PIEZO2: variants seen among roughly 807,000 people sequenced by gnomAD.
PIEZO2 encodes piezo-type mechanosensitive ion channel component 2.
Under a neutral mutation model 337.3 loss-of-function variants are expected in PIEZO2, and 172 were observed. The ratio of observed to expected loss-of-function variants is 0.51; its 90% CI spans 0.45 to 0.58. PIEZO2 has a LOEUF of 0.58. Among genes scored for constraint, PIEZO2 ranks in the 20% least tolerant of loss-of-function variants. PIEZO2 has a pLI of 0.00. For synonymous variants in PIEZO2, 1,251 were observed against 1,228.5 expected (o/e 1.02, Z -0.38); for missense variants, 3,028 against 3,391.3 (o/e 0.89, Z 2.66).
Position 10,974,685 on chromosome 18 carries a change from C to G in PIEZO2, c.286+4850G>C, listed in dbSNP as rs115190308. On this transcript the variant is annotated intron_variant, in intron 3 of 55. Transcript: ENST00000674853. ...AGACATGCAATGGTTTCATGCAACT[C>G]ATTTGCCCTCTAGAGCCCGTTTCTT... Among the ~76,000 whole-genome samples, 200 of 152,340 alleles carry G rather than the reference C, an allele frequency of 1.3e-3. 1 individual carries two copies. Among genetic ancestry groups the G allele is most frequent in the African/African-American group, 4.7e-3 (194 of 41,582 alleles).
At position 11,097,468 on chromosome 18, in the gene PIEZO2, A is replaced by G. The variant is rs183166229; in HGVS notation, c.65-31246T>C. 3.9e-5 allele frequency among the ~76,000 whole-genome samples: 6 copies of G among 152,348 alleles called. No individual in the cohort carries two copies. In the East Asian group the frequency reaches 1.2e-3, roughly 29 times the overall value. ...TCACAGATGTAGAAGGATTGAGTCC[A>G]GAGTTTACTACAGAGAAAGCCCTGA... On this transcript the variant is annotated intron_variant, in intron 1 of 55. Coordinates refer to ENST00000674853, the MANE Select transcript of PIEZO2 (RefSeq NM_001378183.1). This position sits in a 1 kb window ranked among gnomAD's most constrained non-coding sequence, Gnocchi z 5.0.
chr18:10,677,814 T>C lies in PIEZO2; in HGVS notation c.8014A>G (p.Asn2672Asp). 1 of 1,610,824 alleles carries C rather than the reference T, an allele frequency of 6.2e-7. No homozygotes were observed. The highest frequency in any genetic ancestry group is 1.3e-5 in the African/African-American group (1 of 74,884). Residue 2672 changes from asparagine to aspartate, a missense_variant, in exon 53 of 56, where the codon AAT becomes GAT. Coordinates refer to ENST00000674853, the MANE Select transcript of PIEZO2 (RefSeq NM_001378183.1). This position sits in a 1 kb window ranked among gnomAD's most constrained non-coding sequence, Gnocchi z 4.1. ...ATDKLSFPLKNITRKNIAKMI... is the reference protein window; with the variant it reads ...ATDKLSFPLKDITRKNIAKMI... ...TTAGCGATATTCTTTCGAGTAATAT[T>C]TTTAAGAGGAAAAGAAAGCTTATCT...
chr18:10,890,324 G>A (rs1282652913), intron 4 of PIEZO2, among the ~76,000 whole-genome samples: 1 of 152,198 alleles, frequency 6.6e-6, no homozygotes, highest in Admixed American at 6.5e-5. Context: ...ATGTGGCTGA[G>A]TCTGCAAGTG....
intron 47 of PIEZO2, among the ~76,000 whole-genome samples, chr18:10,692,795 A>G (rs1598362324): frequency 1.3e-5 from 2 of 152,308 alleles, no homozygotes; most frequent in East Asian, 3.9e-4. Context: ...GAGGGCAGGA[A>G]GAATAAGTGC....
chr18:10,714,423 C>T (rs974604012), intron 39 of PIEZO2, among the ~76,000 whole-genome samples: 4 of 152,156 alleles, frequency 2.6e-5, no homozygotes, highest in African/African-American at 4.8e-5. Context: ...CACTGTGGAT[C>T]GGCTATCTTG....
At position 10,767,831 on chromosome 18, in the gene PIEZO2, C is replaced by G. The variant is rs186069610; in HGVS notation, c.2946+2317G>C. On this transcript the variant is annotated intron_variant, in intron 21 of 55. Coordinates refer to ENST00000674853, the MANE Select transcript of PIEZO2 (RefSeq NM_001378183.1). The surrounding 1 kb of genome is among the most constrained non-coding windows in gnomAD (Gnocchi z 4.2). ...AGGAGAAGGTGCTGGCAACCAGGGG[C>G]TGGGTGTCAGTGCCGGCCAAGAGTG... Among the ~76,000 whole-genome samples, 330 of 152,310 alleles carry G rather than the reference C, an allele frequency of 2.2e-3. 1 individual carries two copies. The highest frequency in any genetic ancestry group is 7.5e-3 in the African/African-American group (310 of 41,578).
intron 36 of PIEZO2, among the ~76,000 whole-genome samples, chr18:10,718,978 AAAAT>A (rs372748367): frequency 0.064 from 9,109 of 142,956 alleles, 386 homozygotes; most frequent in Admixed American, 0.11. Context: ...GACCTTGTCT[AAAAT>A]AAATAAATAA....
At chr18:10,744,384 C>G (rs1409466439) in intron 30 of PIEZO2, among the ~76,000 whole-genome samples, 153 bp from the exon 31 acceptor site, 1 of 152,272 alleles carries the variant, frequency 6.6e-6, no homozygotes, top group Non-Finnish European at 1.5e-5. Flanking sequence ...AACAAGGCCC[C>G]TTCTAGAAGC....
chr18:11,148,746 G>A lies in PIEZO2; in HGVS notation c.-158C>T, dbSNP rs2040874933. 1.4e-6 allele frequency: 1 copy of A among 717,542 alleles called. No individual in the cohort carries two copies. Among genetic ancestry groups the A allele is most frequent in the South Asian group, 1.9e-5 (1 of 52,822 alleles). 44.4% of individuals were successfully genotyped at this position (717,542 alleles called of 1,614,324 possible). ...CGGGCCGCGACGCTCTCCGCCCCGA[G>A]GGCACGCTCCCGGGGCTCTTGGCCG... is the stretch of plus-strand genomic sequence containing the variant. On this transcript the variant is annotated 5_prime_UTR_variant, in exon 1 of 56. Coordinates refer to ENST00000674853, the MANE Select transcript of PIEZO2 (RefSeq NM_001378183.1). The surrounding 1 kb of genome is among the most constrained non-coding windows in gnomAD (Gnocchi z 5.2).
At chr18:10,924,963 A>T (rs2031641755) in intron 3 of PIEZO2, among the ~76,000 whole-genome samples, 1 of 152,240 alleles carries the variant, frequency 6.6e-6, no homozygotes, top group African/African-American at 2.4e-5. Flanking sequence ...ATAAAAACTT[A>T]TGAAGCACAT....
At chr18:10,944,203 T>A (rs895584893) in intron 3 of PIEZO2, among the ~76,000 whole-genome samples, 35 of 151,820 alleles carry the variant, frequency 2.3e-4, no homozygotes, top group African/African-American at 8.5e-4. Flanking sequence ...CAATCATCAG[T>A]TTGGGCACAA....
In PIEZO2 at chr18:10,999,354, G is replaced by A. The variant is rs376459201; in HGVS notation, c.161-19694C>T. Among the ~76,000 whole-genome samples, 10 of 152,132 alleles carry A rather than the reference G, an allele frequency of 6.6e-5. No individual in the cohort carries two copies. The South Asian group carries it at 8.3e-4, about 13-fold the overall frequency. On this transcript the variant is annotated intron_variant, in intron 2 of 55. Coordinates refer to ENST00000674853, the MANE Select transcript of PIEZO2 (RefSeq NM_001378183.1). The stretch of plus-strand genomic sequence containing the variant: ...GAAAAACCTAGTAAAAGCACAGTTG[G>A]TCCTCCATATCTGTGGACTCCATAT...
rs642825 is a variant in PIEZO2 at position 10,718,501 on chromosome 18, C to G, written c.5030-242G>C. On this transcript the variant is annotated intron_variant, in intron 36 of 55. Coordinates refer to ENST00000674853, the MANE Select transcript of PIEZO2 (RefSeq NM_001378183.1). Reference sequence around the variant, plus strand: ...TCGCTGGTGGGTACCGGCCAGTACTCGTGGGCTGACTGTTGCCAAATGGCC... The same window carrying G: ...TCGCTGGTGGGTACCGGCCAGTACTGGTGGGCTGACTGTTGCCAAATGGCC... Among the ~76,000 whole-genome samples the G allele has an allele frequency of 0.34, 50,958 of 152,000 alleles. 8,828 individuals carry two copies. Among genetic ancestry groups the G allele is most frequent in the Admixed American group, 0.46 (6,973 of 15,292 alleles).
chr18:10,871,812 G>C (rs2042147242), intron 4 of PIEZO2, among the ~76,000 whole-genome samples: 1 of 152,148 alleles, frequency 6.6e-6, no homozygotes, highest in African/African-American at 2.4e-5. Context: ...AAAGATACAA[G>C]GAAAATAGAG....
rs1184068700 is a variant in PIEZO2 at position 11,104,823 on chromosome 18, A to G, written c.65-38601T>C. On this transcript the variant is annotated intron_variant, in intron 1 of 55. Transcript: ENST00000674853. This position sits in a 1 kb window ranked among gnomAD's most constrained non-coding sequence, Gnocchi z 4.6. The stretch of plus-strand genomic sequence containing the variant: ...CTCTTGGGGACCACTCTCCTCCATC[A>G]TGCTTGATATGGTCCAGGAGTGGTT... Among the ~76,000 whole-genome samples, 1 of 152,074 alleles carries G rather than the reference A, an allele frequency of 6.6e-6. No homozygotes were observed. Among genetic ancestry groups the G allele is most frequent in the Non-Finnish European group, 1.5e-5 (1 of 68,014 alleles).
At chr18:10,785,146 A>G (rs1285451200) in intron 16 of PIEZO2, among the ~76,000 whole-genome samples, 189 bp from the exon 17 acceptor site, 4 of 152,210 alleles carry the variant, frequency 2.6e-5, no homozygotes, top group South Asian at 2.1e-4. Flanking sequence ...ACAATGGTCA[A>G]TAATAAACCT....
At chr18:10,778,211 C>T (rs2038855339) in intron 18 of PIEZO2, among the ~76,000 whole-genome samples, 1 of 152,056 alleles carries the variant, frequency 6.6e-6, no homozygotes, top group Non-Finnish European at 1.5e-5. Context: ...AAGGATTCAC[C>T]CTGTCATTCT....
intron 7 of PIEZO2, among the ~76,000 whole-genome samples, chr18:10,835,650 T>A (rs1422437647): frequency 6.6e-6 from 1 of 152,088 alleles, no homozygotes; most frequent in East Asian, 1.9e-4. Context: ...TTCCAGTGAT[T>A]CTCCTGCCTC....
Position 10,855,496 on chromosome 18 carries a change from G to A in PIEZO2, c.774C>T (p.Ser258=). 1 of 1,537,014 alleles carries A rather than the reference G, an allele frequency of 6.5e-7. No individual in the cohort carries two copies. The highest frequency in any genetic ancestry group is 1.4e-5 in the African/African-American group (1 of 73,098). The change falls in exon 7 of 56, where the codon TCC becomes TCT. Residue 258 remains serine (S), a synonymous_variant. Transcript: ENST00000674853. The surrounding 1 kb of genome is among the most constrained non-coding windows in gnomAD (Gnocchi z 4.9). ...GCAATGGGTCGAACGTCCGGCACCA[G>A]GACCACCAGGTGCACAGACCCAAAA... ...FVFLGLCTWW[S]WCRTFDPLLF...
Sources: gnomAD v4.1 joint callset for allele counts (sites outside exome capture counted in the v4.1 genomes callset) on GRCh38, gnomAD v4.1.1 for gene constraint, Gnocchi (gnomAD v3.1) non-coding constraint, MANE v1.5 for transcripts, NCBI Gene and HGNC (gene_info 2026-07-23, HGNC 2026-07-21) for gene names.